Variants in CDKAL1 observed in about 807,000 individuals in gnomAD.
CDKAL1 encodes threonylcarbamoyladenosine tRNA methylthiotransferase.
In CDKAL1, 32 loss-of-function variants were observed where a neutral mutation model predicts 68.2. That is an observed-to-expected ratio of 0.47 (90% CI 0.35 to 0.63). The LOEUF (loss-of-function observed/expected upper bound fraction) is 0.63. Among genes scored for constraint, CDKAL1 ranks in the 30% least tolerant of loss-of-function variants. The pLI, the probability that CDKAL1 is intolerant of heterozygous loss-of-function variation, is 0.00. For missense variants in CDKAL1, 606 were observed against 696.7 expected (o/e 0.87, Z 1.47); for synonymous variants, 234 against 244.3 (o/e 0.96, Z 0.39).
intron 11 of CDKAL1, among the ~76,000 whole-genome samples, chr6:21,048,506 A>G (rs954797037): frequency 2.0e-5 from 3 of 152,010 alleles, no homozygotes; most frequent in African/African-American, 4.8e-5. Flanking sequence ...ATGTGTGTGT[A>G]TATATATATT....
At chr6:20,713,623 A>G (rs1315316632) in intron 5 of CDKAL1, among the ~76,000 whole-genome samples, 1 of 152,196 alleles carries the variant, frequency 6.6e-6, no homozygotes, top group Non-Finnish European at 1.5e-5. Context: ...GAAATACTTG[A>G]TGAACTAGAA....
At chr6:20,939,186 T>G (rs552628269) in intron 9 of CDKAL1, among the ~76,000 whole-genome samples, 2 of 152,284 alleles carry the variant, frequency 1.3e-5, no homozygotes, top group Non-Finnish European at 2.9e-5. Flanking sequence ...CAATACACAG[T>G]AAACATAATT....
intron 2 of CDKAL1, among the ~76,000 whole-genome samples, chr6:20,542,746 G>A (rs1433251495): frequency 6.6e-6 from 1 of 152,180 alleles, no homozygotes. Context: ...CATTGATACA[G>A]TCAGGATGCA....
intron 4 of CDKAL1, among the ~76,000 whole-genome samples, chr6:20,648,266 T>G (rs1768577519): frequency 1.3e-5 from 2 of 150,818 alleles, no homozygotes; most frequent in Non-Finnish European, 3.0e-5. Flanking sequence ...TAGCTGAGAG[T>G]ACAGGCATGC....
chr6:21,060,028 T>C (rs1771058847), intron 11 of CDKAL1, among the ~76,000 whole-genome samples: 1 of 152,230 alleles, frequency 6.6e-6, no homozygotes, highest in Non-Finnish European at 1.5e-5. Context: ...TTTGCCTTCC[T>C]CTGGTTTTTG....
At chr6:21,071,439 A>G (rs1301978893) in intron 12 of CDKAL1, among the ~76,000 whole-genome samples, 6 of 152,190 alleles carry the variant, frequency 3.9e-5, no homozygotes, top group African/African-American at 1.4e-4. Flanking sequence ...CTGTGAGCCA[A>G]TTAAACCTCT....
At chr6:21,019,097 C>T (rs1166199659) in intron 11 of CDKAL1, among the ~76,000 whole-genome samples, 7 of 152,106 alleles carry the variant, frequency 4.6e-5, no homozygotes, top group South Asian at 4.1e-4. Context: ...TATAGGCACC[C>T]GCCACCATGC....
chr6:20,672,182 TTCTC>T (rs754522052), intron 5 of CDKAL1, among the ~76,000 whole-genome samples: 18 of 148,228 alleles, frequency 1.2e-4, no homozygotes, highest in South Asian at 6.6e-4. Flanking sequence ...CTCTTTCTCT[TTCTC>T]TCTCTCTCTT....
rs371966986 is a variant in CDKAL1 at position 20,769,257 on chromosome 6, C to CTTTTTT, written c.517+10627_517+10632dup. 1.8e-4 allele frequency among the ~76,000 whole-genome samples: 21 copies of CTTTTTT among 114,968 alleles called. 2 individuals carry two copies. The highest frequency in any genetic ancestry group is 5.1e-3 in the Middle Eastern group (1 of 196). 75.4% of individuals were successfully genotyped at this position (114,968 alleles called of 152,430 possible). On this transcript the variant is annotated intron_variant, in intron 7 of 15. Transcript: ENST00000274695. Reference sequence around the variant, plus strand: ...ATGTCATTCACAAACTTGTGATCATCTTTTTTTTTTTTTTTTTTCAAGACA... The same window carrying CTTTTTT: ...ATGTCATTCACAAACTTGTGATCATCTTTTTTTTTTTTTTTTTTTTTTTTCAAGACA...
intron 12 of CDKAL1, among the ~76,000 whole-genome samples, chr6:21,104,004 A>G (rs1562034179): frequency 6.6e-6 from 1 of 152,216 alleles, no homozygotes; most frequent in African/African-American, 2.4e-5. Context: ...CATTGCCTAC[A>G]TAGGAGAAAC....
intron 4 of CDKAL1, among the ~76,000 whole-genome samples, chr6:20,567,067 A>G (rs1174450677): frequency 6.6e-6 from 1 of 151,822 alleles, no homozygotes; most frequent in Non-Finnish European, 1.5e-5. Context: ...CTTTGTCTTG[A>G]AATTGTTGCC....
chr6:21,205,545 T>G (rs572216169), intron 15 of CDKAL1, among the ~76,000 whole-genome samples: 13 of 152,120 alleles, frequency 8.5e-5, no homozygotes, highest in Admixed American at 2.0e-4. Flanking sequence ...GTTTTGTTTT[T>G]TTTGAGACAG....
chr6:20,538,955 C>T (rs927278279), intron 2 of CDKAL1, among the ~76,000 whole-genome samples: 19 of 152,206 alleles, frequency 1.2e-4, no homozygotes, highest in African/African-American at 4.3e-4. Context: ...TTGTGCTTAA[C>T]AAGCTTACAT....
At chr6:20,978,433 T>C (rs1313110240) in intron 10 of CDKAL1, among the ~76,000 whole-genome samples, 1 of 152,236 alleles carries the variant, frequency 6.6e-6, no homozygotes, top group Non-Finnish European at 1.5e-5. Context: ...GTTCTTTTAT[T>C]ACATCCAGAT....
At chr6:20,980,918 A>C (rs1320556928) in intron 10 of CDKAL1, among the ~76,000 whole-genome samples, 1 of 152,168 alleles carries the variant, frequency 6.6e-6, no homozygotes, top group Admixed American at 6.5e-5. Flanking sequence ...CCATTTGAAG[A>C]CTCAGACTTA....
At chr6:20,895,771 C>A (rs1561865201) in intron 9 of CDKAL1, among the ~76,000 whole-genome samples, 2 of 152,138 alleles carry the variant, frequency 1.3e-5, no homozygotes, top group Non-Finnish European at 2.9e-5. Flanking sequence ...CCAAAACAAC[C>A]CTTCTGCAAG....
intron 4 of CDKAL1, among the ~76,000 whole-genome samples, chr6:20,639,765 T>C (rs1009125725): frequency 1.3e-5 from 2 of 152,176 alleles, no homozygotes; most frequent in Non-Finnish European, 2.9e-5. Flanking sequence ...CCGCCTCCCA[T>C]GTTCAAGTGA....
At chr6:20,884,665 A>G (rs1218345891) in intron 9 of CDKAL1, among the ~76,000 whole-genome samples, 1 of 152,258 alleles carries the variant, frequency 6.6e-6, no homozygotes, top group East Asian at 1.9e-4. Flanking sequence ...GCTGTAGGTT[A>G]TAAGATCACC....
At chr6:21,140,216 C>T (rs1388219926) in intron 13 of CDKAL1, among the ~76,000 whole-genome samples, 1 of 152,216 alleles carries the variant, frequency 6.6e-6, no homozygotes, top group Non-Finnish European at 1.5e-5. Context: ...GTACATTTCT[C>T]AAGGGTAAGG....
Sources: gnomAD v4.1 joint callset for allele counts (sites outside exome capture counted in the v4.1 genomes callset) on GRCh38, gnomAD v4.1.1 for gene constraint, MANE v1.5 for transcripts, NCBI Gene and HGNC (gene_info 2026-07-23, HGNC 2026-07-21) for gene names.